LCA5: variants seen among roughly 807,000 people sequenced by gnomAD.
LCA5 encodes the protein lebercilin LCA5, also known as lebercilin.
Under a neutral mutation model 53.0 loss-of-function variants are expected in LCA5, and 37 were observed. The ratio of observed to expected loss-of-function variants is 0.70; its 90% CI spans 0.54 to 0.92. The LOEUF (loss-of-function observed/expected upper bound fraction) is 0.92, where lower values mean the gene tolerates loss of function less well. Ranked by LOEUF, LCA5 falls within the 40% of genes least tolerant of loss-of-function variation. The pLI is 0.00. For missense variants in LCA5, 806 were observed against 790.5 expected, an observed-to-expected ratio of 1.02 and a Z score of -0.23; for synonymous variants, 303 against 282.9, an observed-to-expected ratio of 1.07 and a Z score of -0.71.
chr6:79,491,738 G>T lies in LCA5; in HGVS notation c.956-8C>A. 1 of 1,611,058 alleles carries T rather than the reference G, an allele frequency of 6.2e-7. No homozygotes were observed. Among genetic ancestry groups the T allele is most frequent in the Non-Finnish European group, 8.5e-7 (1 of 1,178,194 alleles). ...AATCACTCTGGCATGCAGCTACAGT[G>T]AAAATTATTTTTAAAAAATTATTAC... On this transcript the variant is annotated splice_polypyrimidine_tract_variant and splice_region_variant and intron_variant, in intron 5 of 7. Coordinates refer to ENST00000369846, the MANE Select transcript of LCA5 (RefSeq NM_001122769.3).
At chr6:79,519,804 TAAAAG>T (rs886733167) in intron 1 of LCA5, among the ~76,000 whole-genome samples, 42 of 149,868 alleles carry the variant, frequency 2.8e-4, no homozygotes, top group African/African-American at 1.0e-3. Context: ...TTTTAAAAAC[TAAAAG>T]AAAAAATACT....
At position 79,486,863 on chromosome 6, in the gene LCA5, T is replaced by G. The variant is rs888826559; in HGVS notation, c.*141A>C. 9 of 716,000 alleles carry G rather than the reference T, an allele frequency of 1.3e-5. No individual in the cohort carries two copies. In the African/African-American group the frequency reaches 1.6e-4, roughly 13 times the overall value. 44.4% of individuals were successfully genotyped at this position (716,000 alleles called of 1,614,324 possible). A position where few individuals can be genotyped will look rare whatever the true frequency, so the allele number is the denominator to read the frequency against. ...TGTGGTGTATGTATGATCTACTTCT[T>G]TTTAACTGCATTGTATTTAGCTATT... On this transcript the variant is annotated 3_prime_UTR_variant, in exon 8 of 8. Coordinates refer to ENST00000369846, the MANE Select transcript of LCA5 (RefSeq NM_001122769.3).
chr6:79,501,525 T>G (rs1047555924), intron 3 of LCA5, among the ~76,000 whole-genome samples: 1 of 152,036 alleles, frequency 6.6e-6, no homozygotes, highest in Non-Finnish European at 1.5e-5. Flanking sequence ...GTACAATTAC[T>G]GATCCAATTG....
chr6:79,489,264 G>C lies in LCA5; in HGVS notation c.1099-48C>G, dbSNP rs745785508. 8.9e-6 allele frequency: 14 copies of C among 1,580,496 alleles called. No individual in the cohort carries two copies. In the African/African-American group the frequency reaches 1.5e-4, roughly 17 times the overall value. ...CAAGTTCACAAATTATAGAAAAGGG[G>C]GGGAACTAAGCAACACAGATTTATC... On this transcript the variant is annotated intron_variant, in intron 6 of 7. Coordinates refer to ENST00000369846, the MANE Select transcript of LCA5 (RefSeq NM_001122769.3).
intron 1 of LCA5, among the ~76,000 whole-genome samples, chr6:79,528,746 A>G (rs1766867820): frequency 6.6e-6 from 1 of 152,202 alleles, no homozygotes; most frequent in South Asian, 2.1e-4. Flanking sequence ...CTCATCAATT[A>G]TACTCAGATG....
At chr6:79,500,726 C>A (rs1009655912) in intron 3 of LCA5, among the ~76,000 whole-genome samples, 1 of 152,122 alleles carries the variant, frequency 6.6e-6, no homozygotes, top group African/African-American at 2.4e-5. Context: ...TGAGAGGAAA[C>A]CAGTTTTCTA....
At chr6:79,519,869 A>G (rs960812305) in intron 1 of LCA5, among the ~76,000 whole-genome samples, 5 of 152,186 alleles carry the variant, frequency 3.3e-5, no homozygotes, top group African/African-American at 1.2e-4. Context: ...CATCTTCAAT[A>G]CATAAATATA....
At chr6:79,489,727 T>C (rs930149962) in intron 6 of LCA5, among the ~76,000 whole-genome samples, 2 of 152,114 alleles carry the variant, frequency 1.3e-5, no homozygotes, top group Non-Finnish European at 2.9e-5. Flanking sequence ...CGTTCAAATA[T>C]ATGGGTGTGT....
chr6:79,498,379 T>C (rs1770040719), intron 3 of LCA5, among the ~76,000 whole-genome samples: 1 of 151,946 alleles, frequency 6.6e-6, no homozygotes, highest in South Asian at 2.1e-4. Flanking sequence ...ATTTAAAAAA[T>C]CCTATCCCCC....
Position 79,513,197 on chromosome 6 carries a change from C to G in LCA5, c.720+15G>C. 6.2e-7 allele frequency: 1 copy of G among 1,603,810 alleles called. No individual in the cohort carries two copies. Among genetic ancestry groups the G allele is most frequent in the Non-Finnish European group, 8.5e-7 (1 of 1,171,152 alleles). The stretch of plus-strand genomic sequence containing the variant: ...CATCCCAAGAAAGTACAATTAGAAG[C>G]TGTAGAAATTGTACCTTAATTCTTC... On this transcript the variant is annotated intron_variant, in intron 3 of 7. Transcript: ENST00000369846.
upstream of LCA5, among the ~76,000 whole-genome samples, chr6:79,538,248 T>C (rs1032647407): frequency 6.6e-6 from 1 of 152,000 alleles, no homozygotes; most frequent in Non-Finnish European, 1.5e-5. Flanking sequence ...CTATTGTTAA[T>C]TTCTCACTGG....
chr6:79,487,877 T>C lies in LCA5; in HGVS notation c.1232-11A>G. 1 of 1,589,696 alleles carries C rather than the reference T, an allele frequency of 6.3e-7. No homozygotes were observed. The highest frequency in any genetic ancestry group is 8.6e-7 in the Non-Finnish European group (1 of 1,165,504). On this transcript the variant is annotated splice_polypyrimidine_tract_variant and intron_variant, in intron 7 of 7. Coordinates refer to ENST00000369846, the MANE Select transcript of LCA5 (RefSeq NM_001122769.3). ...CTTCTCTTTCCCATTCTGTATGAAA[T>C]CAAATTTTTTAAATGGGATTTTGTA...
At chr6:79,522,792 T>C (rs1050427867) in intron 1 of LCA5, among the ~76,000 whole-genome samples, 3 of 152,068 alleles carry the variant, frequency 2.0e-5, no homozygotes, top group Admixed American at 6.6e-5. Flanking sequence ...GCTCAGGCAA[T>C]CCTCCCACCT....
intron 1 of LCA5, among the ~76,000 whole-genome samples, chr6:79,532,072 CT>C (rs1252341312): frequency 1.3e-5 from 2 of 152,182 alleles, no homozygotes; most frequent in Non-Finnish European, 2.9e-5. Flanking sequence ...TGTTTCTGAT[CT>C]CATTAAATGG....
At chr6:79,492,354 C>A (rs893370643) in intron 5 of LCA5, among the ~76,000 whole-genome samples, 197 bp downstream of exon 5, 1 of 151,460 alleles carries the variant, frequency 6.6e-6, no homozygotes, top group Non-Finnish European at 1.5e-5. Context: ...ATTTTAACAG[C>A]GTCACTTCAG....
intron 2 of LCA5, among the ~76,000 whole-genome samples, chr6:79,518,036 G>T (rs1266679432): frequency 6.6e-6 from 1 of 151,934 alleles, no homozygotes; most frequent in Non-Finnish European, 1.5e-5. Context: ...TACATATTTT[G>T]TTACTAACTA....
In LCA5 at chr6:79,487,121, G is replaced by A. The variant is rs754960719; in HGVS notation, c.1977C>T (p.Leu659=). 9 of 1,613,658 alleles carry A rather than the reference G, an allele frequency of 5.6e-6. No individual in the cohort carries two copies. Among genetic ancestry groups the A allele is most frequent in the Non-Finnish European group, 7.6e-6 (9 of 1,179,868 alleles). ...QEHDEDEGFF[L]SEGRSFNPNR... ...TTGGATTAAAACTTCTTCCTTCACT[G>A]AGGAAAAAGCCTTCATCTTCATCAT... Residue 659 remains leucine (L), a synonymous_variant, in exon 8 of 8, where the codon CTC becomes CTT. Coordinates refer to ENST00000369846, the MANE Select transcript of LCA5 (RefSeq NM_001122769.3).
intron 1 of LCA5, among the ~76,000 whole-genome samples, chr6:79,519,852 T>C (rs923047835): frequency 4.0e-4 from 61 of 151,710 alleles, no homozygotes; most frequent in East Asian, 1.9e-4. Context: ...TGACAAAAAA[T>C]TGTTATCATC....
rs1246429083 is a variant in LCA5, at chr6:79,517,808, G to A, written c.190+897C>T. Among the ~76,000 whole-genome samples the A allele has an allele frequency of 2.6e-5, 4 of 152,008 alleles. No individual in the cohort carries two copies. The East Asian group carries it at 7.7e-4, about 29-fold the overall frequency. On this transcript the variant is annotated intron_variant, in intron 2 of 7. Coordinates refer to ENST00000369846, the MANE Select transcript of LCA5 (RefSeq NM_001122769.3). ...TGTCCTTGCTTAAATCCTTTCAATG[G>A]CTAACTATTCGCCACAAAAACAGAG...
Sources: allele counts gnomAD v4.1 joint callset (sites outside exome capture counted in the v4.1 genomes callset), GRCh38; gene constraint gnomAD v4.1.1; transcripts MANE v1.5; gene names NCBI Gene and HGNC (gene_info 2026-07-23, HGNC 2026-07-21).